Variants in WDFY2 observed in about 807,000 individuals in gnomAD.
WDFY2 encodes the protein WD repeat and FYVE domain containing 2, also known as WD repeat and FYVE domain-containing protein 2.
WDFY2 carries 36 observed loss-of-function variants against 56.4 expected under a neutral mutation model. That is an observed-to-expected ratio of 0.64 (90% CI 0.49 to 0.84). The LOEUF is 0.84. Ranked by LOEUF, WDFY2 falls within the 40% of genes least tolerant of loss-of-function variation. WDFY2 has a pLI of 0.00. For missense variants in WDFY2, 444 were observed against 512.2 expected, an observed-to-expected ratio of 0.87 and a Z score of 1.29; for synonymous variants, 176 against 183.7, an observed-to-expected ratio of 0.96 and a Z score of 0.34.
intron 4 of WDFY2, among the ~76,000 whole-genome samples, chr13:51,715,885 A>G (rs1952334742): frequency 1.3e-5 from 2 of 152,154 alleles, no homozygotes; most frequent in African/African-American, 2.4e-5. Context: ...TGACTGAAGC[A>G]TCGTTATGTG....
chr13:51,614,293 G>A (rs972194581), intron 1 of WDFY2, among the ~76,000 whole-genome samples: 2 of 152,118 alleles, frequency 1.3e-5, no homozygotes, highest in African/African-American at 2.4e-5. Context: ...AAAATGAAAG[G>A]GTTGTTTTAA....
chr13:51,739,638 G>C (rs1056475896), intron 7 of WDFY2, among the ~76,000 whole-genome samples: 9 of 152,190 alleles, frequency 5.9e-5, no homozygotes, highest in Non-Finnish European at 1.2e-4. Flanking sequence ...TTGAGTACTT[G>C]CCTTGATTCA....
At chr13:51,584,975 C>A in intron 1 of WDFY2, 151 bp downstream of exon 1, 1 of 1,182,710 alleles carries the variant, frequency 8.5e-7, no homozygotes, top group Non-Finnish European at 1.2e-6. Context: ...TGCCGGTGTT[C>A]AGCTGCGCGC....
intron 1 of WDFY2, among the ~76,000 whole-genome samples, chr13:51,659,503 ATACCTTTCAACCTCC>A (rs1429248233): frequency 1.3e-5 from 2 of 152,162 alleles, no homozygotes; most frequent in African/African-American, 4.8e-5. Flanking sequence ...CTCCGGGATA[ATACCTTTCAACCTCC>A]TACTTGTGTT....
chr13:51,716,430 C>T (rs549163539), intron 4 of WDFY2, among the ~76,000 whole-genome samples: 1 of 152,252 alleles, frequency 6.6e-6, no homozygotes, highest in African/African-American at 2.4e-5. Flanking sequence ...CGGTGGCTCA[C>T]GCCTGTAATC....
chr13:51,742,066 G>A (rs1030278451), intron 7 of WDFY2, among the ~76,000 whole-genome samples: 1 of 152,212 alleles, frequency 6.6e-6, no homozygotes, highest in African/African-American at 2.4e-5. Context: ...ACCGGGGAGA[G>A]CAGACTGGCC....
At chr13:51,598,971 T>C (rs145768897) in intron 1 of WDFY2, among the ~76,000 whole-genome samples, 1,570 of 149,762 alleles carry the variant, frequency 0.01, 26 homozygotes, top group African/African-American at 0.036. Context: ...TACAGTGGTA[T>C]AATCTCGTCT....
intron 2 of WDFY2, among the ~76,000 whole-genome samples, chr13:51,663,165 A>C (rs931547568): frequency 3.0e-4 from 46 of 152,168 alleles, no homozygotes; most frequent in African/African-American, 1.1e-3. Flanking sequence ...AAATGAAACA[A>C]ACCCAAACCG....
chr13:51,721,419 A>G (rs1952487459), intron 5 of WDFY2, among the ~76,000 whole-genome samples: 1 of 152,290 alleles, frequency 6.6e-6, no homozygotes, highest in South Asian at 2.1e-4. Flanking sequence ...CTAACTTTTT[A>G]AACTATTTGA....
At chr13:51,609,735 C>G (rs1593873280) in intron 1 of WDFY2, among the ~76,000 whole-genome samples, 1 of 151,702 alleles carries the variant, frequency 6.6e-6, no homozygotes, top group South Asian at 2.1e-4. Flanking sequence ...TGCTTGTTAC[C>G]TTGAAAATTC....
chr13:51,634,309 G>A (rs373901716), intron 1 of WDFY2, among the ~76,000 whole-genome samples: 1 of 151,684 alleles, frequency 6.6e-6, no homozygotes, highest in East Asian at 1.9e-4. Flanking sequence ...TACTCTGTGA[G>A]TTCTGTGAGG....
chr13:51,644,405 A>T (rs1043574743), intron 1 of WDFY2, among the ~76,000 whole-genome samples: 2 of 152,202 alleles, frequency 1.3e-5, no homozygotes, highest in Non-Finnish European at 2.9e-5. Context: ...AATTAACCTC[A>T]TGTTGAGACT....
At chr13:51,608,913 T>A (rs1270195990) in intron 1 of WDFY2, among the ~76,000 whole-genome samples, 2 of 152,180 alleles carry the variant, frequency 1.3e-5, no homozygotes, top group African/African-American at 4.8e-5. Context: ...TCTTTTCGCC[T>A]TTTTCTGTTA....
At chr13:51,696,049 G>A (rs972186927) in intron 3 of WDFY2, among the ~76,000 whole-genome samples, 1 of 152,232 alleles carries the variant, frequency 6.6e-6, no homozygotes, top group Non-Finnish European at 1.5e-5. Context: ...ATTGGGGTGG[G>A]AGTGACCCGA....
At chr13:51,654,544 C>T (rs911658090) in intron 1 of WDFY2, among the ~76,000 whole-genome samples, 2 of 152,130 alleles carry the variant, frequency 1.3e-5, no homozygotes, top group Admixed American at 1.3e-4. Context: ...CATCTTGGCT[C>T]CACCCAGACT....
At chr13:51,659,007 A>T (rs1344983977) in intron 1 of WDFY2, among the ~76,000 whole-genome samples, 1 of 151,918 alleles carries the variant, frequency 6.6e-6, no homozygotes, top group African/African-American at 2.4e-5. Flanking sequence ...GCTCAATGCA[A>T]CCTCTCCCTC....
intron 3 of WDFY2, 148 bp downstream of exon 3, chr13:51,675,391 G>C (rs959326443): frequency 1.4e-6 from 1 of 699,926 alleles, no homozygotes; most frequent in Non-Finnish European, 2.4e-6. Context: ...GGCGAGGTAA[G>C]AGATTCTAAT....
chr13:51,738,329 A>G (rs1952888097), intron 6 of WDFY2, among the ~76,000 whole-genome samples: 1 of 152,238 alleles, frequency 6.6e-6, no homozygotes, highest in African/African-American at 2.4e-5. Flanking sequence ...CCATACCACT[A>G]CAGTAATCCT....
chr13:51,717,389 T>C (rs1483226386), intron 4 of WDFY2, among the ~76,000 whole-genome samples: 4 of 152,120 alleles, frequency 2.6e-5, no homozygotes, highest in Admixed American at 2.6e-4. Flanking sequence ...TTTGATTCTT[T>C]GTCATTCATT....
Sources: gnomAD v4.1 joint callset for allele counts (sites outside exome capture counted in the v4.1 genomes callset) on GRCh38, gnomAD v4.1.1 for gene constraint, MANE v1.5 for transcripts, NCBI Gene and HGNC (gene_info 2026-07-23, HGNC 2026-07-21) for gene names.